Variants in PTPRA observed in about 807,000 individuals in gnomAD.
The protein encoded by PTPRA is receptor-type tyrosine-protein phosphatase alpha.
PTPRA carries 25 observed loss-of-function variants against 104.8 expected under a neutral mutation model. That is an observed-to-expected ratio of 0.24 (90% CI 0.17 to 0.33). PTPRA has a LOEUF of 0.33. PTPRA is among the 10% of genes least tolerant of loss of function. PTPRA has a pLI of 1.00. For missense variants in PTPRA, 765 were observed against 1,015.3 expected, an observed-to-expected ratio of 0.75 and a Z score of 3.35; for synonymous variants, 323 against 368.9, an observed-to-expected ratio of 0.88 and a Z score of 1.43.
At chr20:2,987,141 C>T (rs1045254287) in intron 7 of PTPRA, among the ~76,000 whole-genome samples, 3 of 151,986 alleles carry the variant, frequency 2.0e-5, no homozygotes, top group Non-Finnish European at 4.4e-5. Context: ...GGTAAGAAAC[C>T]GCAGTTTGTT....
intron 1 of PTPRA, among the ~76,000 whole-genome samples, chr20:2,920,415 C>T (rs553605395): frequency 6.6e-6 from 1 of 152,208 alleles, no homozygotes; most frequent in African/African-American, 2.4e-5. Flanking sequence ...TTTCCAGGAA[C>T]CCAACCCCAA....
intron 1 of PTPRA, among the ~76,000 whole-genome samples, chr20:2,910,600 G>T (rs6051468): frequency 0.6 from 37,958 of 63,354 alleles, 12,229 homozygotes; most frequent in African/African-American, 0.79. Context: ...TTTTTTTTTT[G>T]TTTTTTTTAA....
chr20:2,916,972 T>TA (rs1035967364), intron 1 of PTPRA, among the ~76,000 whole-genome samples: 6 of 150,020 alleles, frequency 4.0e-5, no homozygotes, highest in African/African-American at 9.8e-5. Flanking sequence ...TTTTTTTTTT[T>TA]TTTGAGACAG....
In PTPRA at chr20:2,945,024, C is replaced by A. The variant is rs565859439; in HGVS notation, c.-49-2958C>A. On this transcript the variant is annotated intron_variant, in intron 2 of 23. Transcript: ENST00000399903. Reference sequence around the variant, plus strand: ...TCATTTCATTGTATCCTTTATACCTCTTACCTTCTCTTTGGTATTTTTTTA... The same window carrying A: ...TCATTTCATTGTATCCTTTATACCTATTACCTTCTCTTTGGTATTTTTTTA... Among the ~76,000 whole-genome samples the A allele has an allele frequency of 9.2e-5, 14 of 152,266 alleles. No homozygotes were observed. In the South Asian group the frequency reaches 2.9e-3, roughly 32 times the overall value.
At chr20:2,955,458 C>G (rs2061502700) in intron 3 of PTPRA, among the ~76,000 whole-genome samples, 1 of 152,224 alleles carries the variant, frequency 6.6e-6, no homozygotes, top group Non-Finnish European at 1.5e-5. Flanking sequence ...GTTTCATTCT[C>G]TATATAATGT....
At chr20:2,981,596 T>C (rs1349833375) in intron 6 of PTPRA, among the ~76,000 whole-genome samples, 1 of 152,198 alleles carries the variant, frequency 6.6e-6, no homozygotes, top group African/African-American at 2.4e-5. Flanking sequence ...ATATGTTTTG[T>C]AAAAAAGAAG....
In PTPRA at chr20:2,957,866, CAGAA is replaced by C. The variant is rs535381778; in HGVS notation, c.-6-6402_-6-6399del. ...AGAATTGGAGAGAGCTAAGGAAAGACAGAAAGACTGCAGAAAGTGCTTAGGGTTC... is the reference window on the plus strand; with the variant it reads ...AGAATTGGAGAGAGCTAAGGAAAGACAGACTGCAGAAAGTGCTTAGGGTTC... On this transcript the variant is annotated intron_variant, in intron 3 of 23. Coordinates refer to ENST00000399903, the MANE Select transcript of PTPRA (RefSeq NM_001385305.1). 2.1e-4 allele frequency among the ~76,000 whole-genome samples: 32 copies of C among 151,864 alleles called. No homozygotes were observed. The South Asian group carries it at 2.5e-3, about 12-fold the overall frequency.
At position 2,954,879 on chromosome 20, in the gene PTPRA, T is replaced by G. The variant is rs531903828; in HGVS notation, c.-7+6855T>G. On this transcript the variant is annotated intron_variant, in intron 3 of 23. Transcript: ENST00000399903. ...TTTTAGTTAATTTTTGCAAGTGGTA[T>G]AAGGGAGGGGTCCAGCGTTATTGTT... 2.0e-3 allele frequency among the ~76,000 whole-genome samples: 299 copies of G among 152,330 alleles called. 3 individuals carry two copies. The highest frequency in any genetic ancestry group is 9.3e-3 in the South Asian group (45 of 4,828).
intron 2 of PTPRA, among the ~76,000 whole-genome samples, chr20:2,944,997 G>A (rs1238851273): frequency 2.0e-5 from 3 of 152,072 alleles, no homozygotes; most frequent in African/African-American, 7.2e-5. Flanking sequence ...ATGTAGGTTA[G>A]ATCATTTCAT....
Position 2,873,701 on chromosome 20 carries a change from G to A in PTPRA, c.-188G>A, listed in dbSNP as rs967189433. 2 of 151,280 alleles carry A rather than the reference G, an allele frequency of 1.3e-5. No individual in the cohort carries two copies. Among genetic ancestry groups the A allele is most frequent in the Non-Finnish European group, 3.0e-5 (2 of 67,658 alleles). The allele number at this position is 151,280 out of a possible 1,614,324, so 9.4% of individuals were successfully genotyped here. ...GCTAGTGGCGGCCCGAAACGCCGCC[G>A]CGGAGCCGAGGCGGAGCCGCTGTCC... is the stretch of plus-strand genomic sequence containing the variant. On this transcript the variant is annotated 5_prime_UTR_variant, in exon 1 of 24. Transcript: ENST00000399903. This position sits in a 1 kb window ranked among gnomAD's most constrained non-coding sequence, Gnocchi z 4.4.
Position 3,037,353 on chromosome 20 carries a change from G to C in PTPRA, c.2334+64G>C. On this transcript the variant is annotated intron_variant, in intron 23 of 23. Transcript: ENST00000399903. This position sits in a 1 kb window ranked among gnomAD's most constrained non-coding sequence, Gnocchi z 4.3. ...CTGCAGCCCTTCTCTCAGGGAGGAG[G>C]CTCTTCAGAGGGGCCCACCCAGTAG... 1 of 1,592,266 alleles carries C rather than the reference G, an allele frequency of 6.3e-7. No homozygotes were observed. The highest frequency in any genetic ancestry group is 1.2e-5 in the South Asian group (1 of 86,802).
intron 1 of PTPRA, among the ~76,000 whole-genome samples, chr20:2,915,886 A>G (rs189893937): frequency 2.6e-5 from 4 of 152,278 alleles, no homozygotes; most frequent in East Asian, 1.9e-4. Flanking sequence ...AGGCAGGAAA[A>G]TTACTTGAAC....
upstream of PTPRA, among the ~76,000 whole-genome samples, chr20:2,869,431 A>G (rs894917139): frequency 6.6e-6 from 1 of 152,224 alleles, no homozygotes; most frequent in African/African-American, 2.4e-5. Context: ...GAATTGTGAC[A>G]TTTAAAAACC....
intron 1 of PTPRA, among the ~76,000 whole-genome samples, chr20:2,919,303 G>T (rs1026189095): frequency 3.9e-5 from 6 of 152,142 alleles, no homozygotes; most frequent in Non-Finnish European, 8.8e-5. Flanking sequence ...AATTTGCTGG[G>T]TTTTTTCCTC....
intron 1 of PTPRA, among the ~76,000 whole-genome samples, chr20:2,881,937 T>G (rs1397942681): frequency 1.3e-5 from 2 of 151,996 alleles, no homozygotes; most frequent in Non-Finnish European, 2.9e-5. Context: ...GAGGCGGAGA[T>G]TGCAGTGAGC....
chr20:3,000,296 T>G (rs1192816432), intron 9 of PTPRA, among the ~76,000 whole-genome samples: 1 of 151,918 alleles, frequency 6.6e-6, no homozygotes, highest in Non-Finnish European at 1.5e-5. Context: ...TTGAAAAAAA[T>G]AATCCAGTAG....
At chr20:2,904,378 T>A (rs1000306415) in intron 1 of PTPRA, among the ~76,000 whole-genome samples, 1 of 151,978 alleles carries the variant, frequency 6.6e-6, no homozygotes, top group Non-Finnish European at 1.5e-5. Context: ...TTTTTAAAGA[T>A]ATAAAATGCT....
At chr20:2,869,165 C>A (rs1278643732), upstream of PTPRA, among the ~76,000 whole-genome samples, 1 of 152,000 alleles carries the variant, frequency 6.6e-6, no homozygotes, top group Admixed American at 6.5e-5. Context: ...CTGGATTCTA[C>A]CATTAGCATC....
At chr20:2,976,272 T>C (rs1431101717) in intron 6 of PTPRA, among the ~76,000 whole-genome samples, 1 of 152,232 alleles carries the variant, frequency 6.6e-6, no homozygotes, top group Non-Finnish European at 1.5e-5. Context: ...TAGACTTAAA[T>C]AGGTTTTATT....
Sources: allele counts gnomAD v4.1 joint callset (sites outside exome capture counted in the v4.1 genomes callset), GRCh38; gene constraint gnomAD v4.1.1; non-coding constraint Gnocchi (gnomAD v3.1); transcripts MANE v1.5; gene names NCBI Gene and HGNC (gene_info 2026-07-23, HGNC 2026-07-21).